TAF7L: variants seen among roughly 807,000 people sequenced by gnomAD.
The protein encoded by TAF7L is transcription initiation factor TFIID subunit 7-like.
Under a neutral mutation model 30.2 loss-of-function variants are expected in TAF7L, and 6 were observed. That is an observed-to-expected ratio of 0.20 (90% confidence interval 0.11 to 0.39). TAF7L has a LOEUF of 0.39. Among genes scored for constraint, TAF7L ranks in the 10% least tolerant of loss-of-function variants. TAF7L has a pLI of 1.00. For synonymous variants in TAF7L, 93 were observed against 94.5 expected, an observed-to-expected ratio of 0.98 and a Z score of 0.09; for missense variants, 284 against 277.1, an observed-to-expected ratio of 1.03 and a Z score of -0.18.
At chrX:101,274,699 T>C (rs902888560) in intron 12 of TAF7L, among the ~76,000 whole-genome samples, 1 of 111,278 alleles carries the variant, frequency 9.0e-6, no homozygotes, top group African/African-American at 3.3e-5. Flanking sequence ...GCTCTGGCCA[T>C]CTGAGACCCT....
intron 12 of TAF7L, among the ~76,000 whole-genome samples, chrX:101,270,404 T>C (rs775609861): frequency 2.7e-5 from 3 of 111,047 alleles, no homozygotes; most frequent in Non-Finnish European, 5.7e-5. Context: ...TGATTGACCA[T>C]GATTACAACC....
intron 12 of TAF7L, among the ~76,000 whole-genome samples, chrX:101,272,781 G>A (rs751014820): frequency 3.5e-4 from 39 of 111,314 alleles, no homozygotes; most frequent in Non-Finnish European, 6.6e-4. Context: ...GTGACTTGTC[G>A]GGGGTGGGGA....
intron 12 of TAF7L, among the ~76,000 whole-genome samples, chrX:101,274,503 G>A (rs1924094160): frequency 9.0e-6 from 1 of 111,381 alleles, no homozygotes. Context: ...CACCACTCCT[G>A]GCCTCATTAT....
intron 2 of TAF7L, 67 bp downstream of exon 2, chrX:101,287,411 A>G: frequency 1.2e-6 from 1 of 842,125 alleles, no homozygotes; most frequent in Non-Finnish European, 1.7e-6. Flanking sequence ...GTCAGAATCC[A>G]AGTAGAACTA....
At chrX:101,291,353 G>T, upstream of TAF7L, 5 of 727,710 alleles carry the variant, frequency 6.9e-6, no homozygotes, top group Non-Finnish European at 8.1e-6. Flanking sequence ...GCCGGCGCCT[G>T]GACAGTAAAA....
In TAF7L at chrX:101,277,709, G is replaced by A. The variant is rs780135906; in HGVS notation, c.588C>T (p.Val196=). 1.1e-4 allele frequency: 132 copies of A among 1,188,810 alleles called. No homozygotes were observed. Among genetic ancestry groups the A allele is most frequent in the African/African-American group, 1.6e-4 (9 of 55,862 alleles). ...DAEAVSTRWE[V]IAEDGTKEIE... The stretch of plus-strand genomic sequence containing the variant: ...TTTCCTTGGTTCCATCTTCAGCAAT[G>A]ACTTCCCAACCTGAAAGGAGTGGGT... Residue 196 remains valine, a synonymous_variant, in exon 9 of 13, where the codon GTC becomes GTT. Transcript: ENST00000356784.
intron 9 of TAF7L, among the ~76,000 whole-genome samples, chrX:101,276,978 A>C (rs5991918): frequency 2.4e-5 from 2 of 82,313 alleles, no homozygotes; most frequent in African/African-American, 4.6e-5. Flanking sequence ...TACAAAAAAA[A>C]AAAAAAGAAA....
At chrX:101,292,237 T>TAA (rs1924838920), upstream of TAF7L, among the ~76,000 whole-genome samples, 1 of 33,008 alleles carries the variant, frequency 3.0e-5, no homozygotes, top group African/African-American at 3.4e-4. Context: ...AGACTCCGTC[T>TAA]CAAAAAAAAA....
intron 6 of TAF7L, 65 bp from the exon 7 acceptor site, chrX:101,279,100 G>C: frequency 1.1e-6 from 1 of 908,736 alleles, no homozygotes; most frequent in Non-Finnish European, 1.6e-6. Context: ...AGCTTAAAGA[G>C]CTCTACAACT....
chrX:101,275,342 G>C, intron 11 of TAF7L, 61 bp from the exon 12 acceptor site: 1 of 779,055 alleles, frequency 1.3e-6, no homozygotes, highest in Non-Finnish European at 1.8e-6. Flanking sequence ...AAAAAACCAA[G>C]GGAGGCAAGG....
chrX:101,282,078 G>A (rs191655468), intron 5 of TAF7L, among the ~76,000 whole-genome samples: 131 of 110,116 alleles, frequency 1.2e-3, no homozygotes, highest in African/African-American at 4.3e-3. Context: ...TAAAGACAGA[G>A]TTTCACCATG....
In TAF7L at chrX:101,273,996, T is replaced by C. The variant is rs1479881196; in HGVS notation, c.1086+1226A>G. On this transcript the variant is annotated intron_variant, in intron 12 of 12. Coordinates refer to ENST00000356784, the MANE Select transcript of TAF7L (RefSeq NM_001168474.2). ...TAGCACTTCTTCACAATTTGTAACTTTATATTTGTATAATTTGTTTATTGT... is the reference window on the plus strand; with the variant it reads ...TAGCACTTCTTCACAATTTGTAACTCTATATTTGTATAATTTGTTTATTGT... 4.5e-5 allele frequency among the ~76,000 whole-genome samples: 5 copies of C among 112,046 alleles called. No homozygotes were observed. In the East Asian group the frequency reaches 1.4e-3, roughly 31 times the overall value.
At chrX:101,275,317 T>C in intron 11 of TAF7L, 36 bp from the exon 12 acceptor site, 1 of 889,168 alleles carries the variant, frequency 1.1e-6, no homozygotes, top group Non-Finnish European at 1.5e-6. Flanking sequence ...GAACACTGAG[T>C]CTCAAAGAAA....
intron 1 of TAF7L, among the ~76,000 whole-genome samples, chrX:101,290,886 G>A (rs758570939): frequency 3.6e-3 from 396 of 111,041 alleles, no homozygotes; most frequent in Middle Eastern, 0.014. Flanking sequence ...AATTATAATT[G>A]GCTGGAGGGC....
chrX:101,272,583 G>A (rs907248827), intron 12 of TAF7L, among the ~76,000 whole-genome samples: 1 of 111,714 alleles, frequency 9.0e-6, no homozygotes, highest in African/African-American at 3.3e-5. Flanking sequence ...ATAGGCAGTA[G>A]ATTAGTAGAA....
rs760662000 is a variant in TAF7L, at chrX:101,268,959, T to C, written c.*234A>G. ...TAAATTAATAATAATAATTCCCAAA[T>C]TGACAAAGAGAAAGTCTCATGGTCG... On this transcript the variant is annotated 3_prime_UTR_variant, in exon 13 of 13. Coordinates refer to ENST00000356784, the MANE Select transcript of TAF7L (RefSeq NM_001168474.2). The C allele has an allele frequency of 3.0e-5, 9 of 296,106 alleles. No individual in the cohort carries two copies. In the South Asian group the frequency reaches 1.4e-3, roughly 46 times the overall value. 24.4% of individuals were successfully genotyped at this position (296,106 alleles called of 1,213,427 possible). A position where few individuals can be genotyped will look rare whatever the true frequency, so the allele number is the denominator to read the frequency against.
chrX:101,284,234 A>G (rs1397091078), intron 3 of TAF7L, among the ~76,000 whole-genome samples: 1 of 112,570 alleles, frequency 8.9e-6, no homozygotes, highest in Non-Finnish European at 1.9e-5. Context: ...CTTCAATTCT[A>G]GTATTATGCA....
rs1282399497 is a variant in TAF7L, at chrX:101,281,707, G to T, written c.462+13C>A. 2 of 1,205,438 alleles carry T rather than the reference G, an allele frequency of 1.7e-6. No individual in the cohort carries two copies. Among genetic ancestry groups the T allele is most frequent in the African/African-American group, 3.5e-5 (2 of 56,831 alleles). Reference sequence around the variant, plus strand: ...AATCGGCCCGGCAGACACACAAATAGCATGTAACTAACCTTTTTTTGTGTT... The same window carrying T: ...AATCGGCCCGGCAGACACACAAATATCATGTAACTAACCTTTTTTTGTGTT... On this transcript the variant is annotated intron_variant, in intron 6 of 12. Transcript: ENST00000356784.
In TAF7L at chrX:101,286,622, C is replaced by T. The variant is rs1200146045; in HGVS notation, c.98G>A (p.Arg33His). 7.5e-6 allele frequency: 9 copies of T among 1,207,660 alleles called. No individual in the cohort carries two copies. The highest frequency in any genetic ancestry group is 6.6e-5 in the Admixed American group (3 of 45,628). ...ATCCTTCATCTTGACACTTTGAGAA[C>T]GTGCTAGGTTCCTGACAGTACAAGC... Reference protein sequence around the residue: ...EHACTVRNLARSQSVKMKDKL... With the variant: ...EHACTVRNLAHSQSVKMKDKL... Residue 33 changes from arginine to histidine, a missense_variant, in exon 3 of 13, where the codon CGT becomes CAT. Arg to His is a conservative substitution (Grantham distance 29). Coordinates refer to ENST00000356784, the MANE Select transcript of TAF7L (RefSeq NM_001168474.2).
Sources: gnomAD v4.1 joint callset for allele counts (sites outside exome capture counted in the v4.1 genomes callset) on GRCh38, gnomAD v4.1.1 for gene constraint, MANE v1.5 for transcripts, NCBI Gene and HGNC (gene_info 2026-07-23, HGNC 2026-07-21) for gene names.